HSPA12A: variants seen among roughly 807,000 people sequenced by gnomAD.
HSPA12A encodes heat shock protein family A (Hsp70) member 12A, also known as heat shock 70 kDa protein 12A.
Under a neutral mutation model 69.2 loss-of-function variants are expected in HSPA12A, and 28 were observed. That is an observed-to-expected ratio of 0.40 (90% CI 0.30 to 0.55). HSPA12A has a LOEUF of 0.55. Ranked by LOEUF, HSPA12A falls within the 20% of genes least tolerant of loss-of-function variation. HSPA12A has a pLI of 0.38. For synonymous variants in HSPA12A, 345 were observed against 370.5 expected (o/e 0.93, Z 0.79); for missense variants, 686 against 900.7 (o/e 0.76, Z 3.05).
At chr10:116,786,243 G>A (rs370440101) in intron 2 of HSPA12A, among the ~76,000 whole-genome samples, 1 of 152,148 alleles carries the variant, frequency 6.6e-6, no homozygotes, top group Admixed American at 6.5e-5. Context: ...AAAATAGACT[G>A]TTTATGTTAT....
intron 2 of HSPA12A, among the ~76,000 whole-genome samples, chr10:116,773,783 C>T (rs1589697648): frequency 1.3e-5 from 2 of 152,322 alleles, no homozygotes; most frequent in South Asian, 4.1e-4. Context: ...CAAAACAGCC[C>T]ACAGGGAGCT....
chr10:116,794,542 G>A (rs2133157664), intron 2 of HSPA12A, among the ~76,000 whole-genome samples: 1 of 152,280 alleles, frequency 6.6e-6, no homozygotes, highest in Non-Finnish European at 1.5e-5. Flanking sequence ...GCCAGGCGAG[G>A]TGTAATCATA....
At chr10:116,776,550 G>C (rs1187429562) in intron 2 of HSPA12A, among the ~76,000 whole-genome samples, 1 of 151,994 alleles carries the variant, frequency 6.6e-6, no homozygotes, top group Non-Finnish European at 1.5e-5. Flanking sequence ...CAAGACTATT[G>C]TTTTGCCTAG....
upstream of HSPA12A, among the ~76,000 whole-genome samples, chr10:116,742,843 G>T (rs1851561209): frequency 6.6e-6 from 1 of 151,870 alleles, no homozygotes. Flanking sequence ...GCGCGCCCGG[G>T]GCTGCGCTGC....
At chr10:116,754,123 C>T (rs1373139776) in intron 2 of HSPA12A, among the ~76,000 whole-genome samples, 2 of 152,148 alleles carry the variant, frequency 1.3e-5, no homozygotes, top group Non-Finnish European at 2.9e-5. Flanking sequence ...CAGGTAATGC[C>T]CTCAAACTGC....
Position 116,710,300 on chromosome 10 carries a change from GC to G in HSPA12A, c.41-3016del, listed in dbSNP as rs1554882925. ...CCTGAAAGAAACCAAATGTCTAATT[GC>G]CCAGAAAATCTGGTGTTGGCAATTA... On this transcript the variant is annotated intron_variant, in intron 1 of 11. Transcript: ENST00000369209. This position sits in a 1 kb window ranked among gnomAD's most constrained non-coding sequence, Gnocchi z 4.1. 6.6e-6 allele frequency among the ~76,000 whole-genome samples: 1 copy of G among 152,186 alleles called. No homozygotes were observed. Among genetic ancestry groups the G allele is most frequent in the African/African-American group, 2.4e-5 (1 of 41,442 alleles).
chr10:116,771,121 A>C (rs1250159831), intron 2 of HSPA12A, among the ~76,000 whole-genome samples: 1 of 152,126 alleles, frequency 6.6e-6, no homozygotes, highest in African/African-American at 2.4e-5. Context: ...CTGTAGATGG[A>C]GACAGAGGTG....
At chr10:116,785,109 G>A (rs995276250) in intron 2 of HSPA12A, among the ~76,000 whole-genome samples, 2 of 152,118 alleles carry the variant, frequency 1.3e-5, no homozygotes, top group Non-Finnish European at 2.9e-5. Flanking sequence ...CTTTGGGAGG[G>A]GCGTCCTGGA....
At chr10:116,750,385 C>T (rs782442055) in intron 2 of HSPA12A, 4 of 713,216 alleles carry the variant, frequency 5.6e-6, no homozygotes, top group South Asian at 1.4e-5. Context: ...TCTTGGGGGG[C>T]CTTGAAGGGA....
At chr10:116,688,709 G>A (rs1302253450) in intron 6 of HSPA12A, among the ~76,000 whole-genome samples, 1 of 152,238 alleles carries the variant, frequency 6.6e-6, no homozygotes, top group Admixed American at 6.5e-5. Flanking sequence ...TGTTCAGAAA[G>A]GGAGGCAGAA....
chr10:116,843,881 T>C (rs565304222), intron 1 of HSPA12A, among the ~76,000 whole-genome samples: 1 of 152,334 alleles, frequency 6.6e-6, no homozygotes, highest in Non-Finnish European at 1.5e-5. Flanking sequence ...TGTCTCTTCG[T>C]GGTGCTTAAT....
chr10:116,786,583 T>C (rs998797168), intron 2 of HSPA12A, among the ~76,000 whole-genome samples: 9 of 152,236 alleles, frequency 5.9e-5, no homozygotes, highest in Non-Finnish European at 1.3e-4. Context: ...TATATTTTTC[T>C]CATCTGTCTC....
At chr10:116,700,692 A>G (rs1850054533) in intron 4 of HSPA12A, among the ~76,000 whole-genome samples, 1 of 152,174 alleles carries the variant, frequency 6.6e-6, no homozygotes, top group Non-Finnish European at 1.5e-5. Flanking sequence ...GTCCATTTCC[A>G]AGACAAACGA....
intron 2 of HSPA12A, among the ~76,000 whole-genome samples, chr10:116,772,049 G>C (rs1330663994): frequency 6.6e-6 from 1 of 152,202 alleles, no homozygotes; most frequent in Non-Finnish European, 1.5e-5. Context: ...GAGGCAGGAC[G>C]AGGCTGGATG....
At position 116,676,401 on chromosome 10, in the gene HSPA12A, A is replaced by T; in HGVS notation, c.1388T>A (p.Leu463His). The T allele has an allele frequency of 6.2e-7, 1 of 1,612,820 alleles. No individual in the cohort carries two copies. ...GGCCGAGCCTGGCTGATACTTACGG[A>T]GATGCTCAATGATGCTATCGATGGT... is the stretch of plus-strand genomic sequence containing the variant. ...KPTIDSIIEH[L>H]RDLFQKPEVS... The change falls in exon 11 of 12, where the codon CTC (leucine) becomes CAC (histidine). Residue 463 changes from leucine to histidine, a missense_variant and splice_region_variant. Coordinates refer to ENST00000369209, the MANE Select transcript of HSPA12A (RefSeq NM_025015.3).
intron 2 of HSPA12A, among the ~76,000 whole-genome samples, chr10:116,823,737 A>C (rs1845448518): frequency 6.6e-6 from 1 of 152,190 alleles, no homozygotes; most frequent in Non-Finnish European, 1.5e-5. Flanking sequence ...CCATATACAA[A>C]AATGAATTCT....
chr10:116,684,009 C>T (rs967674237), intron 6 of HSPA12A, 47 bp from the exon 7 acceptor site: 3 of 1,481,894 alleles, frequency 2.0e-6, no homozygotes, highest in South Asian at 2.6e-5. Context: ...CCTGGGCCGG[C>T]CTGCTCCTAG....
chr10:116,729,591 T>G (rs1851090158), intron 1 of HSPA12A, among the ~76,000 whole-genome samples: 1 of 152,194 alleles, frequency 6.6e-6, no homozygotes, highest in South Asian at 2.1e-4. Flanking sequence ...ATTAACACAT[T>G]ATTTTATGCA....
intron 1 of HSPA12A, among the ~76,000 whole-genome samples, chr10:116,727,074 A>G (rs983005406): frequency 3.3e-5 from 5 of 152,232 alleles, no homozygotes; most frequent in African/African-American, 4.8e-5. Flanking sequence ...CTTTTATTAA[A>G]CCTATCATCT....
Sources: allele counts gnomAD v4.1 joint callset (sites outside exome capture counted in the v4.1 genomes callset), GRCh38; gene constraint gnomAD v4.1.1; non-coding constraint Gnocchi (gnomAD v3.1); transcripts MANE v1.5; gene names NCBI Gene and HGNC (gene_info 2026-07-23, HGNC 2026-07-21).